LAMB4: variants seen among roughly 807,000 people sequenced by gnomAD.
LAMB4 encodes laminin subunit beta 4.
Under a neutral mutation model 199.2 loss-of-function variants are expected in LAMB4, and 196 were observed. The observed-to-expected ratio is 0.98, with a 90% CI of 0.88 to 1.11. The LOEUF is 1.11. Among genes scored for constraint, LAMB4 ranks in the 50% least tolerant of loss-of-function variants. LAMB4 has a pLI of 0.00. For synonymous variants in LAMB4, 744 were observed against 770.6 expected, an observed-to-expected ratio of 0.97 and a Z score of 0.57; for missense variants, 2,080 against 2,171.2, an observed-to-expected ratio of 0.96 and a Z score of 0.83.
chr7:108,083,555 C>G (rs1423029310), intron 14 of LAMB4, among the ~76,000 whole-genome samples: 2 of 152,204 alleles, frequency 1.3e-5, no homozygotes, highest in African/African-American at 4.8e-5. Context: ...TGCCCTTACA[C>G]AAACCATACT....
At position 108,076,991 on chromosome 7, in the gene LAMB4, G is replaced by A. The variant is rs746002204; in HGVS notation, c.2077C>T (p.Pro693Ser). 1.2e-6 allele frequency: 2 copies of A among 1,613,920 alleles called. No homozygotes were observed. Among genetic ancestry groups the A allele is most frequent in the South Asian group, 2.2e-5 (2 of 91,070 alleles). ...TGAGCGTGGGACTCTCCTTGCAAAG[G>A]CTGAGAAAAATAGACATCTATGGAA... is the stretch of plus-strand genomic sequence containing the variant. ...QYSIDVYFSQ[P>S]LQGESHAHSH... The change falls in exon 17 of 34, where the codon CCT (proline) becomes TCT (serine). Residue 693 changes from proline (P) to serine (S), a missense_variant. By Grantham distance (74) the Pro-to-Ser change is moderately conservative. Transcript: ENST00000388781.
intron 6 of LAMB4, 60 bp from the exon 7 acceptor site, chr7:108,106,632 C>A: frequency 1.0e-6 from 1 of 978,132 alleles, no homozygotes; most frequent in Non-Finnish European, 1.5e-6. Flanking sequence ...TTGTCAAACA[C>A]ACTCTTTTTT....
chr7:108,103,296 C>CGGGG, intron 9 of LAMB4, 64 bp from the exon 10 acceptor site: 3 of 1,355,456 alleles, frequency 2.2e-6, no homozygotes, highest in Non-Finnish European at 3.0e-6. Context: ...CCAGTGCCCC[C>CGGGG]GCACTGGTCA....
At chr7:108,059,262 T>C (rs6943283) in intron 23 of LAMB4, among the ~76,000 whole-genome samples, 7,029 of 151,958 alleles carry the variant, frequency 0.046, 557 homozygotes, top group African/African-American at 0.16. Context: ...CCCACCACCA[T>C]GCCTGGCTAA....
intron 8 of LAMB4, among the ~76,000 whole-genome samples, chr7:108,105,374 C>CA (rs764182134): frequency 9.2e-5 from 14 of 152,242 alleles, no homozygotes; most frequent in Non-Finnish European, 1.9e-4. Flanking sequence ...GTCTTGCACA[C>CA]AAAAGTCCTT....
chr7:108,126,402 C>G (rs915244240), intron 1 of LAMB4, among the ~76,000 whole-genome samples: 5 of 152,066 alleles, frequency 3.3e-5, no homozygotes, highest in Non-Finnish European at 4.4e-5. Flanking sequence ...TGGCAGCCAC[C>G]GTTCTACTTT....
At chr7:108,057,689 T>C (rs933578494) in intron 24 of LAMB4, 143 bp downstream of exon 24, 5 of 601,046 alleles carry the variant, frequency 8.3e-6, no homozygotes, top group Non-Finnish European at 1.5e-5. Context: ...TTTCAAAATG[T>C]AGAATTAAAC....
At chr7:108,071,857 T>C (rs937502174) in intron 17 of LAMB4, among the ~76,000 whole-genome samples, 3 of 152,240 alleles carry the variant, frequency 2.0e-5, no homozygotes, top group Admixed American at 2.0e-4. Flanking sequence ...GTGATCTTTT[T>C]AAATGCAGTT....
intron 14 of LAMB4, among the ~76,000 whole-genome samples, chr7:108,089,867 T>C (rs2037331586): frequency 6.6e-6 from 1 of 152,206 alleles, no homozygotes; most frequent in Non-Finnish European, 1.5e-5. Context: ...GACCTCACTA[T>C]GTTGTCCAGG....
intron 8 of LAMB4, among the ~76,000 whole-genome samples, chr7:108,105,169 A>C (rs1387641804): frequency 6.6e-6 from 1 of 152,168 alleles, no homozygotes; most frequent in East Asian, 1.9e-4. Flanking sequence ...AACAGTTGAC[A>C]TTTATTTAGT....
At chr7:108,116,697 T>G (rs2038419615) in intron 2 of LAMB4, among the ~76,000 whole-genome samples, 1 of 152,210 alleles carries the variant, frequency 6.6e-6, no homozygotes, top group African/African-American at 2.4e-5. Context: ...ACTTGGGAAA[T>G]CCTAAACTCA....
intron 23 of LAMB4, among the ~76,000 whole-genome samples, chr7:108,059,812 C>A (rs2036102827): frequency 6.6e-6 from 1 of 152,184 alleles, no homozygotes; most frequent in Non-Finnish European, 1.5e-5. Context: ...TTTAAAAAAC[C>A]CAATTGCAAA....
In LAMB4 at chr7:108,104,505, A is replaced by G; in HGVS notation, c.985T>C (p.Cys329Arg). ...GGAACTGAGTTTCACCCACATCTGCAAGCGTTGTCCTGGAGGTCTGCAGCT... is the reference window on the plus strand; with the variant it reads ...GGAACTGAGTTTCACCCACATCTGCGAGCGTTGTCCTGGAGGTCTGCAGCT... ...RPAADLQDNA[C>R]RSCSCNSHSS... The change falls in exon 9 of 34, where the codon TGC becomes CGC. Residue 329 changes from cysteine (C) to arginine (R), a missense_variant. By Grantham distance (180) the Cys-to-Arg change is radical. Transcript: ENST00000388781. 9 of 1,614,138 alleles carry G rather than the reference A, an allele frequency of 5.6e-6. No homozygotes were observed. The highest frequency in any genetic ancestry group is 7.6e-6 in the Non-Finnish European group (9 of 1,179,994).
chr7:108,037,433 T>G lies in LAMB4; in HGVS notation c.4634A>C (p.Glu1545Ala). 3 of 1,614,224 alleles carry G rather than the reference T, an allele frequency of 1.9e-6. No individual in the cohort carries two copies. The highest frequency in any genetic ancestry group is 2.5e-6 in the Non-Finnish European group (3 of 1,180,038). ...YRTDENRLNE[E>A]ADGAQKLLVK... ...CAAAAGCTTTTGGGCTCCATCTGCTTCTTCATTTAACCTGTTTTCATCTGT... is the reference window on the plus strand; with the variant it reads ...CAAAAGCTTTTGGGCTCCATCTGCTGCTTCATTTAACCTGTTTTCATCTGT... The change falls in exon 30 of 34, where the codon GAA (glutamate) becomes GCA (alanine). Residue 1545 changes from glutamate to alanine, a missense_variant. Physicochemically the swap from Glu to Ala is moderately radical, Grantham distance 107. Coordinates refer to ENST00000388781, the MANE Select transcript of LAMB4 (RefSeq NM_007356.3).
At chr7:108,022,003 GTGAT>G (rs2150472611), downstream of LAMB4, among the ~76,000 whole-genome samples, 1 of 137,690 alleles carries the variant, frequency 7.3e-6, no homozygotes, top group East Asian at 1.9e-4. Context: ...TACTGAGAGA[GTGAT>G]ACAAGACAGA....
chr7:108,106,641 T>TGAC, intron 6 of LAMB4, 69 bp from the exon 7 acceptor site: 1 of 968,526 alleles, frequency 1.0e-6, no homozygotes, highest in Non-Finnish European at 1.6e-6. Context: ...ACACTCTTTT[T>TGAC]TTTTTTCAAA....
intron 25 of LAMB4, 34 bp downstream of exon 25, chr7:108,055,598 G>A: frequency 1.3e-6 from 2 of 1,582,158 alleles, no homozygotes; most frequent in Non-Finnish European, 1.7e-6. Flanking sequence ...TAAATCAGGA[G>A]TTTGGCTGTC....
chr7:108,069,900 C>A lies in LAMB4; in HGVS notation c.2125-15G>T. ...ATAAGGCCAAGCTTTTGAAAGAATGCAAAAAGACTTAACATTCAAACTATC... is the reference window on the plus strand; with the variant it reads ...ATAAGGCCAAGCTTTTGAAAGAATGAAAAAAGACTTAACATTCAAACTATC... On this transcript the variant is annotated splice_polypyrimidine_tract_variant and intron_variant, in intron 17 of 33. Transcript: ENST00000388781. The A allele has an allele frequency of 6.3e-7, 1 of 1,594,666 alleles. No homozygotes were observed. The highest frequency in any genetic ancestry group is 1.7e-5 in the Admixed American group (1 of 57,640).
chr7:108,109,064 T>C lies in LAMB4; in HGVS notation c.402+107A>G. On this transcript the variant is annotated intron_variant, in intron 5 of 33. Transcript: ENST00000388781. ...AGGTGGCAAAGGTCAAGTCTGAACT[T>C]ATTCTGTTTTTGTTCACTGCAAGGA... 4 of 818,836 alleles carry C rather than the reference T, an allele frequency of 4.9e-6. No individual in the cohort carries two copies. In the South Asian group the frequency reaches 5.9e-5, roughly 12 times the overall value. The allele number at this position is 818,836 out of a possible 1,614,324, so 50.7% of individuals were successfully genotyped here.
Sources: allele counts gnomAD v4.1 joint callset (sites outside exome capture counted in the v4.1 genomes callset), GRCh38; gene constraint gnomAD v4.1.1; transcripts MANE v1.5; gene names NCBI Gene and HGNC (gene_info 2026-07-23, HGNC 2026-07-21).